Variants in FHIT observed in about 807,000 individuals in gnomAD.
The protein encoded by FHIT is bis(5'-adenosyl)-triphosphatase.
In FHIT, 19 loss-of-function variants were observed where a neutral mutation model predicts 17.9. That is an observed-to-expected ratio of 1.06 (90% CI 0.74 to 1.56). The LOEUF (loss-of-function observed/expected upper bound fraction) is 1.56. Ranked by LOEUF, FHIT falls within the 40% of genes most tolerant of loss-of-function variation. The pLI is 0.00. For synonymous variants in FHIT, 81 were observed against 69.7 expected, an observed-to-expected ratio of 1.16 and a Z score of -0.81; for missense variants, 248 against 189.2, an observed-to-expected ratio of 1.31 and a Z score of -1.82.
At chr3:59,776,359 TCTGATTAGGGAC>T (rs1702315999) in intron 8 of FHIT, among the ~76,000 whole-genome samples, 2 of 152,316 alleles carry the variant, frequency 1.3e-5, no homozygotes, top group South Asian at 4.1e-4. Flanking sequence ...ACCATCACAC[TCTGATTAGGGAC>T]CTGAGGGCAG....
Position 60,339,190 on chromosome 3 carries a change from A to T in FHIT, c.103+197670T>A, listed in dbSNP as rs184995292. On this transcript the variant is annotated intron_variant, in intron 5 of 9. Transcript: ENST00000492590. ...GTGATTTTTGCTCTTTGATCTTCAAATATTTTCTTTGGATGTCAATTTTTC... is the reference window on the plus strand; with the variant it reads ...GTGATTTTTGCTCTTTGATCTTCAATTATTTTCTTTGGATGTCAATTTTTC... Among the ~76,000 whole-genome samples the T allele has an allele frequency of 3.0e-4, 46 of 152,202 alleles. 1 individual carries two copies. The highest frequency in any genetic ancestry group is 2.3e-3 in the Admixed American group (35 of 15,268).
intron 4 of FHIT, among the ~76,000 whole-genome samples, chr3:60,638,130 C>G (rs1196948503): frequency 6.6e-6 from 1 of 152,126 alleles, no homozygotes; most frequent in East Asian, 1.9e-4. Flanking sequence ...AGGACACCAA[C>G]TTATGATTTA....
rs532818046 is a variant in FHIT, at chr3:61,202,601, T to G, written c.-212-1936A>C. 2.6e-5 allele frequency among the ~76,000 whole-genome samples: 4 copies of G among 151,278 alleles called. No individual in the cohort carries two copies. The South Asian group carries it at 8.3e-4, about 31-fold the overall frequency. Reference sequence around the variant, plus strand: ...AGACATGAGTCCTCTGGAAAAAGTATAACAATATCTCAAAAAGATAAATAA... The same window carrying G: ...AGACATGAGTCCTCTGGAAAAAGTAGAACAATATCTCAAAAAGATAAATAA... On this transcript the variant is annotated intron_variant, in intron 1 of 9. Transcript: ENST00000492590.
At chr3:60,768,474 C>T (rs149558968) in intron 4 of FHIT, among the ~76,000 whole-genome samples, 160 of 152,318 alleles carry the variant, frequency 1.1e-3, no homozygotes, top group African/African-American at 3.6e-3. Flanking sequence ...TTAGTATCTA[C>T]GGTGGCCAAA....
chr3:60,503,978 C>A (rs531417695), intron 5 of FHIT, among the ~76,000 whole-genome samples: 6 of 152,000 alleles, frequency 3.9e-5, no homozygotes, highest in African/African-American at 1.5e-4. Context: ...AGCAAATAAG[C>A]CTTATTTTAC....
At chr3:59,840,641 A>G (rs765373163) in intron 8 of FHIT, among the ~76,000 whole-genome samples, 3 of 152,126 alleles carry the variant, frequency 2.0e-5, no homozygotes, top group South Asian at 2.1e-4. Context: ...CCTTGCCTCA[A>G]TCCTCAAAAT....
intron 5 of FHIT, among the ~76,000 whole-genome samples, chr3:60,321,014 A>G (rs1259995548): frequency 3.3e-5 from 5 of 152,214 alleles, no homozygotes; most frequent in African/African-American, 4.8e-5. Context: ...AGACTGAAGA[A>G]AACAGTAAAA....
At chr3:60,632,460 AAG>A (rs1349193313) in intron 4 of FHIT, among the ~76,000 whole-genome samples, 1 of 152,192 alleles carries the variant, frequency 6.6e-6, no homozygotes. Flanking sequence ...TTGAATACAG[AAG>A]AGGTGTTGTA....
At chr3:60,612,189 T>C (rs1429871359) in intron 4 of FHIT, among the ~76,000 whole-genome samples, 2 of 152,116 alleles carry the variant, frequency 1.3e-5, no homozygotes, top group East Asian at 3.9e-4. Context: ...CAACTCTTTA[T>C]ACAAAAGAAA....
chr3:60,891,111 C>T (rs1398165180), intron 3 of FHIT, among the ~76,000 whole-genome samples: 1 of 152,142 alleles, frequency 6.6e-6, no homozygotes, highest in Non-Finnish European at 1.5e-5. Context: ...TACACACAGT[C>T]CTAGAAGACC....
intron 3 of FHIT, among the ~76,000 whole-genome samples, chr3:60,879,373 A>G (rs186932475): frequency 9.2e-5 from 14 of 152,328 alleles, no homozygotes; most frequent in Admixed American, 9.2e-4. Context: ...CAAAGTCACC[A>G]CACTTTTCCT....
chr3:60,938,367 C>CGGTCCCCT (rs1553773653), intron 3 of FHIT, among the ~76,000 whole-genome samples: 29 of 152,212 alleles, frequency 1.9e-4, no homozygotes, highest in Admixed American at 8.5e-4. Flanking sequence ...TACCAGGCTT[C>CGGTCCCCT]AGCCCCCTTG....
In FHIT at chr3:59,782,410, A is replaced by T. The variant is rs553476089; in HGVS notation, c.349-30089T>A. On this transcript the variant is annotated intron_variant, in intron 8 of 9. Coordinates refer to ENST00000492590, the MANE Select transcript of FHIT (RefSeq NM_002012.4). ...TGACATGAAAGTACAACTCATTTCCATCCACAGCCTCTACATCCATTAAAT... is the reference window on the plus strand; with the variant it reads ...TGACATGAAAGTACAACTCATTTCCTTCCACAGCCTCTACATCCATTAAAT... Among the ~76,000 whole-genome samples the T allele has an allele frequency of 6.3e-4, 96 of 152,296 alleles. 1 individual carries two copies. In the East Asian group the frequency reaches 0.016, roughly 26 times the overall value.
chr3:60,520,027 T>C (rs879738972), intron 5 of FHIT, among the ~76,000 whole-genome samples: 6 of 152,196 alleles, frequency 3.9e-5, no homozygotes, highest in Non-Finnish European at 8.8e-5. Context: ...TGTACTATAG[T>C]TAATTTTATG....
At chr3:61,043,867 G>T (rs770393846) in intron 2 of FHIT, among the ~76,000 whole-genome samples, 1 of 152,116 alleles carries the variant, frequency 6.6e-6, no homozygotes, top group African/African-American at 2.4e-5. Context: ...AGGCAAACAG[G>T]GTCTGGAGTG....
At chr3:60,019,923 G>T (rs1700491153) in intron 5 of FHIT, among the ~76,000 whole-genome samples, 1 of 152,146 alleles carries the variant, frequency 6.6e-6, no homozygotes, top group Non-Finnish European at 1.5e-5. Flanking sequence ...TTTTCCAATG[G>T]TAAACTTATG....
chr3:60,332,015 G>A (rs2106857561), intron 5 of FHIT, among the ~76,000 whole-genome samples: 1 of 152,088 alleles, frequency 6.6e-6, no homozygotes, highest in Middle Eastern at 3.4e-3. Context: ...CAAAAATGAG[G>A]GGTGTATCCA....
intron 8 of FHIT, among the ~76,000 whole-genome samples, chr3:59,860,376 T>C (rs1201332833): frequency 1.3e-5 from 2 of 152,150 alleles, no homozygotes; most frequent in African/African-American, 2.4e-5. Context: ...GAAAAACTGA[T>C]TGCTAGATAT....
intron 4 of FHIT, among the ~76,000 whole-genome samples, chr3:60,539,956 T>TGAATA (rs2036129704): frequency 6.7e-6 from 1 of 149,130 alleles, no homozygotes; most frequent in Non-Finnish European, 1.5e-5. Flanking sequence ...TATATATATA[T>TGAATA]AAATAAAATA....
Sources: gnomAD v4.1 joint callset for allele counts (sites outside exome capture counted in the v4.1 genomes callset) on GRCh38, gnomAD v4.1.1 for gene constraint, MANE v1.5 for transcripts, NCBI Gene and HGNC (gene_info 2026-07-23, HGNC 2026-07-21) for gene names.